Variants in CTBP1 observed in about 807,000 individuals in gnomAD.
CTBP1 encodes C-terminal binding protein 1.
CTBP1 carries 11 observed loss-of-function variants against 42.1 expected under a neutral mutation model. The observed-to-expected ratio is 0.26, with a 90% CI of 0.16 to 0.43. CTBP1 has a LOEUF of 0.43. Among genes scored for constraint, CTBP1 ranks in the 20% least tolerant of loss-of-function variants. The pLI, the probability that CTBP1 is intolerant of heterozygous loss-of-function variation, is 1.00. For synonymous variants in CTBP1, 324 were observed against 277.1 expected (o/e 1.17, Z -1.68); for missense variants, 399 against 624.3 (o/e 0.64, Z 3.85).
At chr4:1,224,145 CCA>C (rs1730054079) in intron 5 of CTBP1, among the ~76,000 whole-genome samples, 5 of 152,256 alleles carry the variant, frequency 3.3e-5, no homozygotes, top group Admixed American at 3.3e-4. Flanking sequence ...ATGTGCGTGC[CCA>C]CACATATGCC....
chr4:1,213,392 T>C, intron 8 of CTBP1, 86 bp downstream of exon 8: 1 of 1,581,684 alleles, frequency 6.3e-7, no homozygotes, highest in Non-Finnish European at 8.6e-7. Flanking sequence ...AACATGGGCC[T>C]GGCTGCCAGG....
Position 1,233,434 on chromosome 4 carries a change from G to A in CTBP1, c.162+4749C>T, listed in dbSNP as rs1477357630. The stretch of plus-strand genomic sequence containing the variant: ...GAGTGCAACTGTCCAGCTGGCTGCA[G>A]GTCCTCGCAGGCCACTGCGTCCTGT... On this transcript the variant is annotated intron_variant, in intron 3 of 9. Coordinates refer to ENST00000382952, the MANE Select transcript of CTBP1 (RefSeq NM_001012614.2). This position sits in a 1 kb window ranked among gnomAD's most constrained non-coding sequence, Gnocchi z 4.6. Among the ~76,000 whole-genome samples, 1 of 152,228 alleles carries A rather than the reference G, an allele frequency of 6.6e-6. No homozygotes were observed. The highest frequency in any genetic ancestry group is 1.5e-5 in the Non-Finnish European group (1 of 68,040).
rs530549138 is a variant in CTBP1 at position 1,247,702 on chromosome 4, C to A, written c.-189+1214G>T. Reference sequence around the variant, plus strand: ...GCGGTGCGGGCCCAGCCGCCAGCGCCGTTTTCTTCCCGAGGGACGTGTGCT... The same window carrying A: ...GCGGTGCGGGCCCAGCCGCCAGCGCAGTTTTCTTCCCGAGGGACGTGTGCT... On this transcript the variant is annotated intron_variant, in intron 1 of 9. Transcript: ENST00000382952. Among the ~76,000 whole-genome samples, 4 of 144,952 alleles carry A rather than the reference C, an allele frequency of 2.8e-5. No homozygotes were observed. The East Asian group carries it at 8.8e-4, about 32-fold the overall frequency.
intron 3 of CTBP1, among the ~76,000 whole-genome samples, chr4:1,230,209 A>C (rs138076074): frequency 7.9e-4 from 120 of 151,992 alleles, no homozygotes; most frequent in Middle Eastern, 3.4e-3. Context: ...GACCAGACGT[A>C]GTGTGGACGG....
chr4:1,230,359 G>C (rs190842750), intron 3 of CTBP1, among the ~76,000 whole-genome samples: 1 of 152,184 alleles, frequency 6.6e-6, no homozygotes, highest in Non-Finnish European at 1.5e-5. Context: ...CACCAAGGAG[G>C]TGCTTCGGGC....
chr4:1,221,958 C>T (rs770973979), intron 5 of CTBP1: 1 of 321,632 alleles, frequency 3.1e-6, no homozygotes, highest in Non-Finnish European at 6.3e-6. Context: ...AAGCGGCCGC[C>T]CCCTAGTCTG....
Position 1,249,100 on chromosome 4 carries a change from C to T in CTBP1, c.-373G>A. ...CCGCCGTGCCGAGTCTCCGCCGCGCCGCTGAGCCGCGCTCCGACGACCGCG... is the reference window on the plus strand; with the variant it reads ...CCGCCGTGCCGAGTCTCCGCCGCGCTGCTGAGCCGCGCTCCGACGACCGCG... On this transcript the variant is annotated 5_prime_UTR_variant, in exon 1 of 10. Transcript: ENST00000382952. 4.6e-6 allele frequency: 1 copy of T among 215,718 alleles called. No homozygotes were observed. The highest frequency in any genetic ancestry group is 7.7e-6 in the Non-Finnish European group (1 of 129,620). 13.4% of individuals were successfully genotyped at this position (215,718 alleles called of 1,614,324 possible). A position where few individuals can be genotyped will look rare whatever the true frequency, so the allele number is the denominator to read the frequency against.
At chr4:1,232,473 G>T (rs1731060372) in intron 3 of CTBP1, among the ~76,000 whole-genome samples, 1 of 151,866 alleles carries the variant, frequency 6.6e-6, no homozygotes, top group Non-Finnish European at 1.5e-5. Flanking sequence ...CACCACGCGT[G>T]GCTAATTTCT....
At chr4:1,240,098 G>A (rs1238934406) in intron 2 of CTBP1, among the ~76,000 whole-genome samples, 1 of 152,276 alleles carries the variant, frequency 6.6e-6, no homozygotes, top group Non-Finnish European at 1.5e-5. Context: ...GATCACTGCA[G>A]ACCGCTCGGC....
chr4:1,233,288 GC>G lies in CTBP1; in HGVS notation c.162+4894del. On this transcript the variant is annotated intron_variant, in intron 3 of 9. Coordinates refer to ENST00000382952, the MANE Select transcript of CTBP1 (RefSeq NM_001012614.2). The surrounding 1 kb of genome is among the most constrained non-coding windows in gnomAD (Gnocchi z 4.6). ...TTTCCCAGTCACCATGACAACGCCT[GC>G]TTGTGTGTTTTTCCGGGATTTCTAA... 6.6e-6 allele frequency: 1 copy of G among 152,468 alleles called. No individual in the cohort carries two copies. The highest frequency in any genetic ancestry group is 2.1e-4 in the South Asian group (1 of 4,834). The allele number at this position is 152,468 out of a possible 1,614,324, so 9.4% of individuals were successfully genotyped here.
chr4:1,215,683 G>C (rs1302723748), intron 6 of CTBP1: 1 of 424,876 alleles, frequency 2.4e-6, no homozygotes, highest in African/African-American at 2.0e-5. Flanking sequence ...CCGACCCAAC[G>C]CCCCCAGGTA....
At chr4:1,214,268 G>T in intron 7 of CTBP1, 75 bp downstream of exon 7, 3 of 1,444,894 alleles carry the variant, frequency 2.1e-6, no homozygotes, top group Non-Finnish European at 2.7e-6. Context: ...CCTGGCAGAG[G>T]CGCCGTCTGG....
intron 5 of CTBP1, chr4:1,223,367 G>A (rs1033345966): frequency 2.2e-6 from 1 of 447,088 alleles, no homozygotes; most frequent in South Asian, 1.6e-5. Context: ...GACGTGTCCA[G>A]GAAGAGACAG....
rs1479991635 is a variant in CTBP1, at chr4:1,241,348, A to G, written c.-17T>C. 2 of 948,640 alleles carry G rather than the reference A, an allele frequency of 2.1e-6. No individual in the cohort carries two copies. Among genetic ancestry groups the G allele is most frequent in the Non-Finnish European group, 3.5e-6 (2 of 571,468 alleles). The allele number at this position is 948,640 out of a possible 1,614,324, so 58.8% of individuals were successfully genotyped here. On this transcript the variant is annotated 5_prime_UTR_variant, in exon 2 of 10. Coordinates refer to ENST00000382952, the MANE Select transcript of CTBP1 (RefSeq NM_001012614.2). ...ACCTGACATCTCTTAATATGGGCTC[A>G]GCTTCCACGACCATGAATTCGACTT... is the stretch of plus-strand genomic sequence containing the variant.
rs549050846 is a variant in CTBP1, at chr4:1,214,536, A to T, written c.730-63T>A. On this transcript the variant is annotated intron_variant, in intron 6 of 9. Coordinates refer to ENST00000382952, the MANE Select transcript of CTBP1 (RefSeq NM_001012614.2). ...TCCGCACAGGGCGGGCAGCCAGGGAAGCAAGGTGGTCACGCACGCCGTTGG... is the reference window on the plus strand; with the variant it reads ...TCCGCACAGGGCGGGCAGCCAGGGATGCAAGGTGGTCACGCACGCCGTTGG... The T allele has an allele frequency of 1.0e-4, 154 of 1,503,314 alleles. No homozygotes were observed. In the African/African-American group the frequency reaches 2.1e-3, roughly 20 times the overall value. The allele number at this position is 1,503,314 out of a possible 1,614,324, so 93.1% of individuals were successfully genotyped here.
intron 3 of CTBP1, among the ~76,000 whole-genome samples, chr4:1,230,642 C>T (rs1377173730): frequency 6.6e-6 from 1 of 152,254 alleles, no homozygotes; most frequent in Non-Finnish European, 1.5e-5. Context: ...TGTGTGTACG[C>T]AGGCAACAGC....
intron 2 of CTBP1, among the ~76,000 whole-genome samples, chr4:1,240,185 G>C (rs111680214): frequency 2.1e-4 from 30 of 144,542 alleles, no homozygotes; most frequent in South Asian, 2.3e-4. Flanking sequence ...CCGCGTGGGG[G>C]ACTCCCGGGT....
chr4:1,244,339 T>C (rs2108802492), intron 1 of CTBP1: 1 of 928,662 alleles, frequency 1.1e-6, no homozygotes, highest in Non-Finnish European at 1.3e-6. Flanking sequence ...ACAGCCACAG[T>C]GGGTCTCTGG....
intron 2 of CTBP1, among the ~76,000 whole-genome samples, chr4:1,241,052 G>A (rs1003338730): frequency 5.3e-5 from 8 of 152,172 alleles, no homozygotes; most frequent in African/African-American, 1.2e-4. Flanking sequence ...GAGGCCCTCC[G>A]TGCCTCTCAG....
Sources: allele counts gnomAD v4.1 joint callset (sites outside exome capture counted in the v4.1 genomes callset), GRCh38; gene constraint gnomAD v4.1.1; non-coding constraint Gnocchi (gnomAD v3.1); transcripts MANE v1.5; gene names NCBI Gene and HGNC (gene_info 2026-07-23, HGNC 2026-07-21).